ADAM32: variants seen among roughly 807,000 people sequenced by gnomAD.
ADAM32 encodes ADAM metallopeptidase domain 32, also known as disintegrin and metalloproteinase domain-containing protein 32.
A neutral mutation model predicts 114.9 loss-of-function variants in ADAM32; 89 were observed. The ratio of observed to expected loss-of-function variants is 0.77; its 90% CI spans 0.65 to 0.92. ADAM32 has a LOEUF of 0.92. Ranked by LOEUF, ADAM32 falls within the 40% of genes least tolerant of loss-of-function variation. The probability of loss-of-function intolerance (pLI) is 0.00; values close to 1 mark genes in which losing one functional copy is unlikely to be tolerated. For synonymous variants in ADAM32, 285 were observed against 307.5 expected, an observed-to-expected ratio of 0.93 and a Z score of 0.77; for missense variants, 870 against 932.8, an observed-to-expected ratio of 0.93 and a Z score of 0.88.
intron 5 of ADAM32, 61 bp from the exon 6 acceptor site, chr8:39,151,316 T>G: frequency 7.4e-7 from 1 of 1,358,210 alleles, no homozygotes; most frequent in East Asian, 2.7e-5. Flanking sequence ...TTGGATTTTG[T>G]CAGAAATTCA....
At chr8:39,138,441 G>C (rs1171831761) in intron 3 of ADAM32, among the ~76,000 whole-genome samples, 1 of 151,916 alleles carries the variant, frequency 6.6e-6, no homozygotes, top group Non-Finnish European at 1.5e-5. Flanking sequence ...TTCTGTCCTT[G>C]TGACAGTTTG....
intron 21 of ADAM32, 80 bp from the exon 22 acceptor site, chr8:39,275,748 T>G: frequency 7.4e-7 from 1 of 1,343,114 alleles, no homozygotes; most frequent in Non-Finnish European, 1.0e-6. Flanking sequence ...GGTTGTAAAA[T>G]GATCCGACAT....
chr8:39,170,139 T>C (rs534092720), intron 10 of ADAM32, 142 bp downstream of exon 10: 2 of 562,248 alleles, frequency 3.6e-6, no homozygotes, highest in Admixed American at 6.8e-5. Context: ...TTTTTAAGTG[T>C]GTAGAAGGAA....
chr8:39,272,408 G>A (rs963567397), intron 20 of ADAM32, among the ~76,000 whole-genome samples: 2 of 151,982 alleles, frequency 1.3e-5, no homozygotes, highest in African/African-American at 4.8e-5. Context: ...GTGTTATTGT[G>A]CGAACATCAC....
chr8:39,198,470 C>T (rs764186409), intron 11 of ADAM32, among the ~76,000 whole-genome samples: 3 of 152,196 alleles, frequency 2.0e-5, no homozygotes, highest in African/African-American at 4.8e-5. Flanking sequence ...CTCTGCCTCC[C>T]GGGTTCAAAC....
chr8:39,244,564 G>A (rs1228895023), intron 16 of ADAM32, among the ~76,000 whole-genome samples: 4 of 152,086 alleles, frequency 2.6e-5, no homozygotes, highest in Admixed American at 1.3e-4. Context: ...CACCCTATTC[G>A]ACAAATGGTG....
chr8:39,180,193 G>A (rs1436431899), intron 10 of ADAM32, among the ~76,000 whole-genome samples: 9 of 152,224 alleles, frequency 5.9e-5, no homozygotes, highest in South Asian at 2.1e-4. Context: ...TGGGCTTGGC[G>A]GGCCCCGCAC....
chr8:39,256,591 C>A (rs566582793), intron 18 of ADAM32, among the ~76,000 whole-genome samples: 44 of 152,138 alleles, frequency 2.9e-4, no homozygotes, highest in African/African-American at 1.0e-3. Flanking sequence ...GGTCTACACA[C>A]TGGGGATGTA....
intron 2 of ADAM32, among the ~76,000 whole-genome samples, chr8:39,129,073 A>G (rs1285452318): frequency 6.7e-6 from 1 of 149,360 alleles, no homozygotes; most frequent in Non-Finnish European, 1.5e-5. Flanking sequence ...TTTATTAATC[A>G]TGTGTCTTGC....
intron 12 of ADAM32, 71 bp downstream of exon 12, chr8:39,211,395 A>G (rs1398959771): frequency 2.7e-5 from 36 of 1,351,266 alleles, no homozygotes; most frequent in Admixed American, 3.4e-5. Context: ...TAAATGTCAT[A>G]TATCTCAAAT....
intron 16 of ADAM32, among the ~76,000 whole-genome samples, chr8:39,237,825 G>GT (rs1364747236): frequency 1.3e-5 from 2 of 152,270 alleles, no homozygotes; most frequent in East Asian, 3.9e-4. Context: ...AAAAATGACA[G>GT]TAACTCATGG....
intron 11 of ADAM32, among the ~76,000 whole-genome samples, chr8:39,195,329 A>G (rs984301114): frequency 2.2e-4 from 33 of 152,298 alleles, no homozygotes; most frequent in African/African-American, 7.7e-4. Context: ...TATTCTGGAT[A>G]TTAACCACCT....
intron 11 of ADAM32, among the ~76,000 whole-genome samples, chr8:39,206,195 T>G (rs1005611059): frequency 6.6e-6 from 1 of 152,150 alleles, no homozygotes; most frequent in Non-Finnish European, 1.5e-5. Flanking sequence ...GGTCTGTGTT[T>G]GTTAGTGGAG....
chr8:39,174,176 C>A (rs1402422001), intron 10 of ADAM32, among the ~76,000 whole-genome samples: 1 of 152,162 alleles, frequency 6.6e-6, no homozygotes, highest in Non-Finnish European at 1.5e-5. Flanking sequence ...CAATTTTCTG[C>A]ATATGGCTAG....
chr8:39,257,854 C>G (rs777442891), intron 19 of ADAM32, among the ~76,000 whole-genome samples: 7 of 152,084 alleles, frequency 4.6e-5, no homozygotes, highest in Non-Finnish European at 8.8e-5. Context: ...CAAACATCCT[C>G]TTGCCCACCA....
intron 11 of ADAM32, among the ~76,000 whole-genome samples, chr8:39,199,117 T>C (rs999434338): frequency 1.3e-5 from 2 of 152,210 alleles, no homozygotes; most frequent in African/African-American, 4.8e-5. Flanking sequence ...GACTTGACAT[T>C]TTTCTCTTTC....
At chr8:39,111,001 A>G (rs1296244983) in intron 1 of ADAM32, among the ~76,000 whole-genome samples, 3 of 152,152 alleles carry the variant, frequency 2.0e-5, no homozygotes, top group African/African-American at 7.2e-5. Flanking sequence ...ACAAAATATG[A>G]CCTTTTTTGT....
intron 1 of ADAM32, among the ~76,000 whole-genome samples, chr8:39,110,454 C>T (rs1007746660): frequency 6.6e-6 from 1 of 151,332 alleles, no homozygotes; most frequent in Non-Finnish European, 1.5e-5. Context: ...CAAATGACAT[C>T]TTGGTTGCTT....
rs781167569 is a variant in ADAM32 at position 39,276,715 on chromosome 8, C to A, written c.2279+849C>A. 9.2e-5 allele frequency among the ~76,000 whole-genome samples: 14 copies of A among 152,002 alleles called. No homozygotes were observed. The South Asian group carries it at 1.5e-3, about 16-fold the overall frequency. On this transcript the variant is annotated intron_variant, in intron 22 of 24. Coordinates refer to ENST00000379907, the MANE Select transcript of ADAM32 (RefSeq NM_145004.7). ...TTTTAATCTGCCTCATTATTTTTTT[C>A]CTTACAGTGGCACGTTGGAGTCATG...
Sources: allele counts gnomAD v4.1 joint callset (sites outside exome capture counted in the v4.1 genomes callset), GRCh38; gene constraint gnomAD v4.1.1; transcripts MANE v1.5; gene names NCBI Gene and HGNC (gene_info 2026-07-23, HGNC 2026-07-21).